Variants in CLYBL observed in about 807,000 individuals in gnomAD.
CLYBL encodes the protein citramalyl-CoA lyase, mitochondrial.
Under a neutral mutation model 38.9 loss-of-function variants are expected in CLYBL, and 31 were observed. That is an observed-to-expected ratio of 0.80 (90% CI 0.60 to 1.08). CLYBL has a LOEUF of 1.08. Ranked by LOEUF, CLYBL falls within the 50% of genes least tolerant of loss-of-function variation. The probability of loss-of-function intolerance (pLI) is 0.00; values close to 1 mark genes in which losing one functional copy is unlikely to be tolerated. For synonymous variants in CLYBL, 171 were observed against 158.6 expected (o/e 1.08, Z -0.59); for missense variants, 434 against 411.6 (o/e 1.05, Z -0.47).
intron 1 of CLYBL, among the ~76,000 whole-genome samples, chr13:99,721,541 A>G (rs989721859): frequency 3.3e-5 from 5 of 151,830 alleles, no homozygotes; most frequent in Non-Finnish European, 5.9e-5. Flanking sequence ...GGTTTGTAAC[A>G]TATGTATGCA....
intron 2 of CLYBL, among the ~76,000 whole-genome samples, chr13:99,778,349 A>T (rs2049566038): frequency 6.6e-6 from 1 of 152,116 alleles, no homozygotes; most frequent in Admixed American, 6.6e-5. Context: ...TTAATTTCAG[A>T]TTATCTAGTT....
At chr13:99,883,171 G>A (rs769024896) in intron 7 of CLYBL, among the ~76,000 whole-genome samples, 61 of 152,264 alleles carry the variant, frequency 4.0e-4, no homozygotes, top group Admixed American at 3.9e-4. Context: ...GTCCAGCTTC[G>A]TCTAATAGAG....
At chr13:99,776,495 CAA>C (rs1181592895) in intron 2 of CLYBL, among the ~76,000 whole-genome samples, 3 of 115,628 alleles carry the variant, frequency 2.6e-5, no homozygotes, top group African/African-American at 3.2e-5. Flanking sequence ...GACTCTGTCT[CAA>C]AAAAAAAAAG....
intron 1 of CLYBL, among the ~76,000 whole-genome samples, chr13:99,650,984 C>T (rs959991311): frequency 6.6e-6 from 1 of 152,176 alleles, no homozygotes; most frequent in African/African-American, 2.4e-5. Flanking sequence ...ACTCCAGCTC[C>T]TTTCTGTCTC....
intron 1 of CLYBL, among the ~76,000 whole-genome samples, chr13:99,610,437 C>T (rs74114813): frequency 0.019 from 2,842 of 152,192 alleles, 73 homozygotes; most frequent in African/African-American, 0.065. Context: ...CTCCCTTTTG[C>T]CAGGGTTTAT....
chr13:99,653,511 T>C (rs2047285586), intron 1 of CLYBL, among the ~76,000 whole-genome samples: 1 of 152,218 alleles, frequency 6.6e-6, no homozygotes, highest in African/African-American at 2.4e-5. Context: ...ATGGTGCTTG[T>C]TCACCAGCCT....
intron 1 of CLYBL, among the ~76,000 whole-genome samples, chr13:99,619,263 C>A (rs891168592): frequency 1.1e-4 from 17 of 152,270 alleles, no homozygotes; most frequent in African/African-American, 3.9e-4. Context: ...GAGAGTTTTC[C>A]AGTCTTGCCC....
At chr13:99,736,320 G>C (rs1344853231) in intron 1 of CLYBL, among the ~76,000 whole-genome samples, 3 of 151,568 alleles carry the variant, frequency 2.0e-5, no homozygotes, top group East Asian at 3.9e-4. Context: ...ATTACAGTAT[G>C]AGCCACCGCA....
intron 1 of CLYBL, among the ~76,000 whole-genome samples, chr13:99,701,259 T>A (rs989955819): frequency 1.3e-5 from 2 of 152,210 alleles, no homozygotes; most frequent in Non-Finnish European, 2.9e-5. Context: ...TTATATATAT[T>A]GTCTCATTTA....
intron 7 of CLYBL, chr13:99,884,915 C>A (rs1335727783): frequency 1.5e-5 from 7 of 466,316 alleles, no homozygotes; most frequent in Admixed American, 7.1e-5. Context: ...CCCTAAGGTC[C>A]CAAATTAAAG....
intron 1 of CLYBL, 88 bp downstream of exon 1, chr13:99,606,845 C>T (rs894011964): frequency 2.5e-5 from 32 of 1,292,502 alleles, no homozygotes; most frequent in Non-Finnish European, 3.0e-5. Flanking sequence ...GGCGCGGCCT[C>T]CCCAAGCCCT....
intron 2 of CLYBL, among the ~76,000 whole-genome samples, chr13:99,854,856 CCAGA>C (rs896571085): frequency 2.0e-5 from 3 of 152,134 alleles, no homozygotes; most frequent in East Asian, 1.9e-4. Context: ...GGTTCCTGGC[CCAGA>C]CAGAGTCACC....
Position 99,736,125 on chromosome 13 carries a change from A to C in CLYBL, c.63-36699A>C, listed in dbSNP as rs202007918. On this transcript the variant is annotated intron_variant, in intron 1 of 8. Coordinates refer to ENST00000339105, the MANE Select transcript of CLYBL (RefSeq NM_206808.5). ...AGTAGCGCAATCTTGGCTCACTGCA[A>C]CCTCTGCCTCCCGAGTTCAAGCGAT... 1.5e-4 allele frequency among the ~76,000 whole-genome samples: 21 copies of C among 142,982 alleles called. No homozygotes were observed. The East Asian group carries it at 4.3e-3, about 29-fold the overall frequency. 93.8% of individuals were successfully genotyped at this position (142,982 alleles called of 152,430 possible). A position where few individuals can be genotyped will look rare whatever the true frequency, so the allele number is the denominator to read the frequency against.
At chr13:99,885,905 G>A (rs957679538) in intron 7 of CLYBL, among the ~76,000 whole-genome samples, 1 of 152,200 alleles carries the variant, frequency 6.6e-6, no homozygotes, top group Non-Finnish European at 1.5e-5. Flanking sequence ...GGCCACAGCT[G>A]GGCTGAGAGA....
At chr13:99,713,334 C>CTTTTTTTTT (rs759844768) in intron 1 of CLYBL, among the ~76,000 whole-genome samples, 4 of 101,676 alleles carry the variant, frequency 3.9e-5, no homozygotes, top group Non-Finnish European at 6.0e-5. Flanking sequence ...TTCTCTATTT[C>CTTTTTTTTT]TTTTTTTTTT....
rs79826365 is a variant in CLYBL, at chr13:99,657,897, A to G, written c.62+51140A>G. On this transcript the variant is annotated intron_variant, in intron 1 of 8. Coordinates refer to ENST00000339105, the MANE Select transcript of CLYBL (RefSeq NM_206808.5). Reference sequence around the variant, plus strand: ...TTCTTGATCCGCTTTTCCCAGGAACAGAAGCCAAGTCGGCTTCCTTAGGAG... The same window carrying G: ...TTCTTGATCCGCTTTTCCCAGGAACGGAAGCCAAGTCGGCTTCCTTAGGAG... Among the ~76,000 whole-genome samples the G allele has an allele frequency of 7.8e-3, 1,184 of 152,338 alleles. 10 individuals carry two copies. Among genetic ancestry groups the G allele is most frequent in the Admixed American group, 0.013 (202 of 15,298 alleles).
intron 9 of CLYBL, among the ~76,000 whole-genome samples, chr13:99,906,513 T>C (rs1768816700): frequency 6.6e-6 from 1 of 151,202 alleles, no homozygotes; most frequent in South Asian, 2.1e-4. Flanking sequence ...CACCTCCGCC[T>C]CCCGGGTTCA....
At chr13:99,609,252 C>T (rs1044520724) in intron 1 of CLYBL, among the ~76,000 whole-genome samples, 3 of 140,726 alleles carry the variant, frequency 2.1e-5, no homozygotes, top group Non-Finnish European at 4.5e-5. Flanking sequence ...TTTCTGCCCA[C>T]TGCAACCTCT....
At chr13:99,692,797 C>T (rs958137272) in intron 1 of CLYBL, among the ~76,000 whole-genome samples, 10 of 152,158 alleles carry the variant, frequency 6.6e-5, no homozygotes, top group South Asian at 4.1e-4. Flanking sequence ...TTTGTCTGTT[C>T]GGGACATTTC....
Sources: gnomAD v4.1 joint callset for allele counts (sites outside exome capture counted in the v4.1 genomes callset) on GRCh38, gnomAD v4.1.1 for gene constraint, MANE v1.5 for transcripts, NCBI Gene and HGNC (gene_info 2026-07-23, HGNC 2026-07-21) for gene names.